Variants in TRIM16 observed in about 807,000 individuals in gnomAD.
TRIM16 encodes the protein tripartite motif-containing protein 16.
A neutral mutation model predicts 50.4 loss-of-function variants in TRIM16; 33 were observed. The observed-to-expected ratio is 0.65, with a 90% CI of 0.50 to 0.88. The LOEUF (loss-of-function observed/expected upper bound fraction) is 0.88, where lower values mean the gene tolerates loss of function less well. Ranked by LOEUF, TRIM16 falls within the 40% of genes least tolerant of loss-of-function variation. TRIM16 has a pLI of 0.00. For synonymous variants in TRIM16, 229 were observed against 270.7 expected, an observed-to-expected ratio of 0.85 and a Z score of 1.51; for missense variants, 581 against 686.8, an observed-to-expected ratio of 0.85 and a Z score of 1.72.
chr17:15,683,371 A>C, intron 1 of TRIM16: 2 of 449,234 alleles, frequency 4.5e-6, no homozygotes, highest in Non-Finnish European at 8.1e-6. Context: ...AGAGTCAGAC[A>C]CTGGGAACAT....
chr17:15,673,510 G>A (rs926440762), intron 6 of TRIM16, among the ~76,000 whole-genome samples: 1 of 152,082 alleles, frequency 6.6e-6, no homozygotes, highest in Non-Finnish European at 1.5e-5. Context: ...GAAATCTCAG[G>A]TTCTGGCTAG....
At position 15,676,244 on chromosome 17, in the gene TRIM16, C is replaced by T. The variant is rs1360527587; in HGVS notation, c.-338+932G>A. On this transcript the variant is annotated intron_variant, in intron 6 of 11. Transcript: ENST00000649191. ...CACTTCAGACGTTGCCAAATGTCCC[C>T]CGGGGGGCAAACTTGCCCCTGGTTA... Among the ~76,000 whole-genome samples, 6 of 152,188 alleles carry T rather than the reference C, an allele frequency of 3.9e-5. No individual in the cohort carries two copies. In the East Asian group the frequency reaches 1.2e-3, roughly 29 times the overall value.
At chr17:15,665,964 G>GCCA (rs963175287) in intron 6 of TRIM16, among the ~76,000 whole-genome samples, 39 of 151,918 alleles carry the variant, frequency 2.6e-4, no homozygotes, top group African/African-American at 8.7e-4. Flanking sequence ...CTCAGAGATT[G>GCCA]CCACCAGCAC....
rs2151432047 is a variant in TRIM16 at position 15,680,969 on chromosome 17, CA to C, written c.-678-17del. 6.8e-7 allele frequency: 1 copy of C among 1,475,446 alleles called. No individual in the cohort carries two copies. Among genetic ancestry groups the C allele is most frequent in the East Asian group, 2.5e-5 (1 of 40,350 alleles). 91.4% of individuals were successfully genotyped at this position (1,475,446 alleles called of 1,614,324 possible). ...GAGGGCAGAACTGGAAGGAAATTGA[CA>C]TAAAGGAACCTGGTTTATCTTTATG... On this transcript the variant is annotated splice_polypyrimidine_tract_variant and intron_variant, in intron 3 of 11. Transcript: ENST00000649191.
At position 15,632,634 on chromosome 17, in the gene TRIM16, G is replaced by C; in HGVS notation, c.890C>G (p.Pro297Arg). 6.2e-7 allele frequency: 1 copy of C among 1,613,576 alleles called. No individual in the cohort carries two copies. The highest frequency in any genetic ancestry group is 2.2e-5 in the East Asian group (1 of 44,880). ...KFKNTEDITF[P>R]SVYVGLKDKL... ...ATCCTTCAGCCCTACGTAAACACTA[G>C]GGAAGGTGATGTCTTCAGTGTTCTT... The change falls in exon 10 of 12, where the codon CCT becomes CGT. Residue 297 changes from proline to arginine, a missense_variant. Around this residue, in one of 3 missense-constraint regions of TRIM16, gnomAD observed 450 missense variants for 544.3 expected, o/e 0.83. Transcript: ENST00000649191.
At chr17:15,683,725 A>T (rs1332025621) in intron 1 of TRIM16, 1 of 154,828 alleles carries the variant, frequency 6.5e-6, no homozygotes, top group East Asian at 1.9e-4. Flanking sequence ...CGAGACACAG[A>T]GAGTAACCTG....
intron 10 of TRIM16, 30 bp from the exon 11 acceptor site, chr17:15,631,744 A>G: frequency 6.2e-7 from 1 of 1,607,898 alleles, no homozygotes; most frequent in Non-Finnish European, 8.5e-7. Flanking sequence ...GTGAATGCAC[A>G]CCTGTCCAGG....
chr17:15,671,312 C>CATGT (rs1178293077), intron 6 of TRIM16, among the ~76,000 whole-genome samples: 1 of 50,232 alleles, frequency 2.0e-5, no homozygotes, highest in Non-Finnish European at 3.7e-5. Flanking sequence ...GATAATAACT[C>CATGT]ATGAATAGAT....
chr17:15,674,302 G>A (rs1345831982), intron 6 of TRIM16, among the ~76,000 whole-genome samples: 3 of 151,818 alleles, frequency 2.0e-5, no homozygotes, highest in Admixed American at 6.6e-5. Context: ...CCTGGGAGGC[G>A]GAGGTCACAG....
chr17:15,634,324 C>T lies in TRIM16; in HGVS notation c.850-1650G>A, dbSNP rs530974303. Among the ~76,000 whole-genome samples the T allele has an allele frequency of 4.6e-4, 56 of 121,396 alleles. 4 individuals carry two copies. The highest frequency in any genetic ancestry group is 5.7e-4 in the Admixed American group (7 of 12,252). The allele number at this position is 121,396 out of a possible 152,430, so 79.6% of individuals were successfully genotyped here. On this transcript the variant is annotated intron_variant, in intron 9 of 11. Transcript: ENST00000649191. ...GGCCTGGGCGAAAAGAGCAAGACTC[C>T]GTCTCGAAAAAACAAAAAAAATTGG...
intron 6 of TRIM16, among the ~76,000 whole-genome samples, chr17:15,660,123 T>A (rs1988157053): frequency 6.6e-6 from 1 of 152,214 alleles, no homozygotes; most frequent in South Asian, 2.1e-4. Flanking sequence ...AACCATCCCC[T>A]CCACCCTTCA....
At chr17:15,678,177 C>A (rs1395827332) in intron 4 of TRIM16, among the ~76,000 whole-genome samples, 1 of 151,544 alleles carries the variant, frequency 6.6e-6, no homozygotes, top group Admixed American at 6.6e-5. Context: ...CGAGATCACG[C>A]CATTGCACTC....
At chr17:15,647,351 C>T (rs2150914017) in intron 7 of TRIM16, among the ~76,000 whole-genome samples, 1 of 152,376 alleles carries the variant, frequency 6.6e-6, no homozygotes, top group South Asian at 2.1e-4. Context: ...TGAGTGATGC[C>T]AGTTAACCGC....
At chr17:15,676,844 T>G (rs1988972824) in intron 6 of TRIM16, among the ~76,000 whole-genome samples, 2 of 152,256 alleles carry the variant, frequency 1.3e-5, no homozygotes, top group South Asian at 4.1e-4. Flanking sequence ...TCTTCATATT[T>G]CTTATATAGC....
At chr17:15,632,201 C>A (rs929708142) in intron 10 of TRIM16, among the ~76,000 whole-genome samples, 1 of 151,972 alleles carries the variant, frequency 6.6e-6, no homozygotes, top group African/African-American at 2.4e-5. Flanking sequence ...CCAGCCTGAC[C>A]AACATGGTGA....
intron 7 of TRIM16, among the ~76,000 whole-genome samples, chr17:15,649,287 G>T (rs1010182260): frequency 2.0e-5 from 3 of 151,970 alleles, no homozygotes; most frequent in Admixed American, 6.6e-5. Context: ...CTGTTTGATG[G>T]AGATTATTAT....
rs1330404398 is a variant in TRIM16, at chr17:15,642,673, A to G, written c.615+48T>C. 8 of 649,578 alleles carry G rather than the reference A, an allele frequency of 1.2e-5. 1 individual carries two copies. The East Asian group carries it at 2.8e-4, about 22-fold the overall frequency. 40.2% of individuals were successfully genotyped at this position (649,578 alleles called of 1,614,324 possible). ...CAGGAATGGAGGCTAGGCATGCAGT[A>G]CCACGTCCCACACCCTCACAGGCCT... On this transcript the variant is annotated intron_variant, in intron 8 of 11. Transcript: ENST00000649191.
Position 15,676,294 on chromosome 17 carries a change from T to C in TRIM16, c.-338+882A>G, listed in dbSNP as rs550923475. Among the ~76,000 whole-genome samples the C allele has an allele frequency of 3.0e-3, 451 of 152,264 alleles. 2 individuals carry two copies. Among genetic ancestry groups the C allele is most frequent in the African/African-American group, 0.01 (421 of 41,532 alleles). ...AAGAACCACTGGTTTAGACTTATTA[T>C]AGACACTTCAAACAACTTAAGAGAA... On this transcript the variant is annotated intron_variant, in intron 6 of 11. Coordinates refer to ENST00000649191, the MANE Select transcript of TRIM16 (RefSeq NM_001348119.1).
intron 6 of TRIM16, among the ~76,000 whole-genome samples, chr17:15,657,413 T>A (rs895623726): frequency 3.9e-5 from 6 of 152,208 alleles, no homozygotes; most frequent in African/African-American, 1.4e-4. Flanking sequence ...ATTATAACCA[T>A]TGGTAAGTGT....
Sources: gnomAD v4.1 joint callset for allele counts (sites outside exome capture counted in the v4.1 genomes callset) on GRCh38, gnomAD v4.1.1 for gene constraint, gnomAD v4.1.1 regional missense constraint, MANE v1.5 for transcripts, NCBI Gene and HGNC (gene_info 2026-07-23, HGNC 2026-07-21) for gene names.